The following OSBPL10 variants were observed in gnomAD, a reference collection of about 807,000 sequenced individuals.
OSBPL10 encodes the protein oxysterol-binding protein-related protein 10.
In OSBPL10, 49 loss-of-function variants were observed where a neutral mutation model predicts 81.7. That is an observed-to-expected ratio of 0.60 (90% CI 0.48 to 0.76). The LOEUF is 0.76. OSBPL10 is among the 30% of genes least tolerant of loss of function. The pLI, the probability that OSBPL10 is intolerant of heterozygous loss-of-function variation, is 0.00. For missense variants in OSBPL10, 923 were observed against 987.8 expected (o/e 0.93, Z 0.88); for synonymous variants, 419 against 383.6 (o/e 1.09, Z -1.08).
chr3:32,026,135 G>C (rs1333121550), intron 2 of OSBPL10, among the ~76,000 whole-genome samples: 1 of 151,752 alleles, frequency 6.6e-6, no homozygotes, highest in African/African-American at 2.4e-5. Flanking sequence ...GATAGAGATA[G>C]AGATATATAG....
At chr3:32,044,523 C>G (rs1699606167) in intron 2 of OSBPL10, among the ~76,000 whole-genome samples, 1 of 151,382 alleles carries the variant, frequency 6.6e-6, no homozygotes, top group Admixed American at 6.6e-5. Context: ...GGGCAGATCA[C>G]TTGAGCTCGG....
intron 4 of OSBPL10, among the ~76,000 whole-genome samples, chr3:31,783,632 A>T (rs565260288): frequency 2.7e-5 from 4 of 149,612 alleles, no homozygotes; most frequent in African/African-American, 9.8e-5. Context: ...CTCTACTAAA[A>T]ATACAAAAAT....
At position 31,750,819 on chromosome 3, in the gene OSBPL10, C is replaced by T. The variant is rs1033515754; in HGVS notation, c.730-2699G>A. ...GAATAAAATCAAGCCATAAACTATA[C>T]GGTATATACTCATTTCTAATCAACA... is the stretch of plus-strand genomic sequence containing the variant. On this transcript the variant is annotated intron_variant, in intron 4 of 11. Coordinates refer to ENST00000396556, the MANE Select transcript of OSBPL10 (RefSeq NM_017784.5). 1.3e-4 allele frequency among the ~76,000 whole-genome samples: 20 copies of T among 152,028 alleles called. 1 individual carries two copies. Among genetic ancestry groups the T allele is most frequent in the African/African-American group, 4.1e-4 (17 of 41,394 alleles).
chr3:31,943,206 A>C (rs1553642505), intron 1 of OSBPL10, among the ~76,000 whole-genome samples: 1 of 152,212 alleles, frequency 6.6e-6, no homozygotes, highest in Non-Finnish European at 1.5e-5. Flanking sequence ...TTTCATGACT[A>C]AATAATATTC....
upstream of OSBPL10, among the ~76,000 whole-genome samples, chr3:31,982,208 T>C (rs1010149694): frequency 1.3e-5 from 2 of 152,190 alleles, no homozygotes; most frequent in African/African-American, 4.8e-5. Flanking sequence ...TGAAGGATTC[T>C]CTGTGTTGGC....
At chr3:31,810,167 C>T (rs1193592447) in intron 4 of OSBPL10, among the ~76,000 whole-genome samples, 6 of 152,036 alleles carry the variant, frequency 3.9e-5, no homozygotes, top group African/African-American at 1.4e-4. Flanking sequence ...CACCGCACCT[C>T]GCCCCCTCTG....
intron 6 of OSBPL10, among the ~76,000 whole-genome samples, chr3:31,708,233 C>T (rs6803685): frequency 0.64 from 96,989 of 152,072 alleles, 31,784 homozygotes; most frequent in Non-Finnish European, 0.72. Context: ...CCACTGCACC[C>T]GACCTTCAGT....
rs34795137 is a variant in OSBPL10 at position 31,809,869 on chromosome 3, C to CTTTTTTTTTTTTTTTTTTTTT, written c.729+20170_729+20171insAAAAAAAAAAAAAAAAAAAAA. ...AAATGTCAATGGGTGCCCCCTGACT[C>CTTTTTTTTTTTTTTTTTTTTT]TTTTTTTTTTTTTTTTTTTGAGATG... On this transcript the variant is annotated intron_variant, in intron 4 of 11. Transcript: ENST00000396556. Among the ~76,000 whole-genome samples, 98 of 98,604 alleles carry CTTTTTTTTTTTTTTTTTTTTT rather than the reference C, an allele frequency of 9.9e-4. 5 individuals carry two copies. Among genetic ancestry groups the CTTTTTTTTTTTTTTTTTTTTT allele is most frequent in the African/African-American group, 5.1e-3 (94 of 18,408 alleles). The allele number at this position is 98,604 out of a possible 152,430, so 64.7% of individuals were successfully genotyped here.
At chr3:31,765,678 A>T (rs1440454872) in intron 4 of OSBPL10, among the ~76,000 whole-genome samples, 2 of 152,156 alleles carry the variant, frequency 1.3e-5, no homozygotes, top group African/African-American at 4.8e-5. Flanking sequence ...AGCCAGTGGG[A>T]CTTTAAAATT....
chr3:31,793,989 G>C (rs1699109436), intron 4 of OSBPL10, among the ~76,000 whole-genome samples: 2 of 152,220 alleles, frequency 1.3e-5, no homozygotes, highest in Non-Finnish European at 2.9e-5. Flanking sequence ...GTTGGTTGGT[G>C]TCGAGTGTCT....
chr3:32,058,902 T>C (rs1457955822), intron 1 of OSBPL10, among the ~76,000 whole-genome samples: 1 of 152,174 alleles, frequency 6.6e-6, no homozygotes, highest in African/African-American at 2.4e-5. Context: ...TTGCCCATGC[T>C]GGTCTTGAAA....
At chr3:31,703,965 G>A (rs1395078111) in intron 6 of OSBPL10, 1 of 152,194 alleles carries the variant, frequency 6.6e-6, no homozygotes, top group East Asian at 1.9e-4. Context: ...CTGAGAGGAA[G>A]AGCCAGAGAG....
At chr3:31,753,922 C>G (rs968095885) in intron 4 of OSBPL10, among the ~76,000 whole-genome samples, 1 of 152,112 alleles carries the variant, frequency 6.6e-6, no homozygotes, top group South Asian at 2.1e-4. Flanking sequence ...ATAAAGTCAG[C>G]CTTGTTTTAT....
intron 5 of OSBPL10, among the ~76,000 whole-genome samples, chr3:31,737,999 CA>C (rs750366140): frequency 0.095 from 9,114 of 95,958 alleles, 814 homozygotes; most frequent in African/African-American, 0.27. Flanking sequence ...GACTCTGTCT[CA>C]AAAAAAAAAA....
Position 31,783,394 on chromosome 3 carries a change from T to C in OSBPL10, c.730-35274A>G, listed in dbSNP as rs185843746. ...CAGTGAGGAAATAAAAGACTACACA[T>C]TGGGTACAGTGTGCACTGCTCAGGT... is the stretch of plus-strand genomic sequence containing the variant. On this transcript the variant is annotated intron_variant, in intron 4 of 11. Transcript: ENST00000396556. 8.4e-4 allele frequency among the ~76,000 whole-genome samples: 128 copies of C among 151,966 alleles called. 1 individual carries two copies. The highest frequency in any genetic ancestry group is 3.4e-3 in the Middle Eastern group (1 of 294).
intron 4 of OSBPL10, among the ~76,000 whole-genome samples, chr3:31,749,177 C>A (rs1306024439): frequency 6.6e-6 from 1 of 152,226 alleles, no homozygotes; most frequent in Non-Finnish European, 1.5e-5. Context: ...ATCCTTGTCA[C>A]CATGATGTCA....
chr3:31,980,948 C>T lies in OSBPL10; in HGVS notation c.232G>A (p.Glu78Lys), dbSNP rs774412848. The T allele has an allele frequency of 8.9e-6, 14 of 1,577,854 alleles. No homozygotes were observed. The highest frequency in any genetic ancestry group is 1.2e-5 in the Non-Finnish European group (14 of 1,165,918). The change falls in exon 1 of 12, where the codon GAG (glutamate) becomes AAG (lysine). Residue 78 changes from glutamate (E) to lysine (K), a missense_variant. Around this residue, in one of 3 missense-constraint regions of OSBPL10, gnomAD observed 514 missense variants for 508.0 expected, o/e 1.01. Transcript: ENST00000396556. ...GGGRRREPALEGVLSKYTNLL... is the reference protein window; with the variant it reads ...GGGRRREPALKGVLSKYTNLL... ...TTGGTGTATTTGCTGAGCACGCCCTCGAGCGCCGGCTCCCTCCTGCGGCCG... is the reference window on the plus strand; with the variant it reads ...TTGGTGTATTTGCTGAGCACGCCCTTGAGCGCCGGCTCCCTCCTGCGGCCG...
At chr3:31,978,920 C>A (rs1005880853) in intron 1 of OSBPL10, among the ~76,000 whole-genome samples, 2 of 152,182 alleles carry the variant, frequency 1.3e-5, no homozygotes, top group Non-Finnish European at 2.9e-5. Flanking sequence ...ACTCCAATGC[C>A]TCCTAAATCC....
At chr3:31,720,091 G>T (rs62237312) in intron 6 of OSBPL10, among the ~76,000 whole-genome samples, 1 of 149,946 alleles carries the variant, frequency 6.7e-6, no homozygotes, top group Non-Finnish European at 1.5e-5. Flanking sequence ...GTATATGTTT[G>T]CTGTAAAAAC....
Sources: allele counts gnomAD v4.1 joint callset (sites outside exome capture counted in the v4.1 genomes callset), GRCh38; gene constraint gnomAD v4.1.1; regional missense constraint gnomAD v4.1.1; transcripts MANE v1.5; gene names NCBI Gene and HGNC (gene_info 2026-07-23, HGNC 2026-07-21).